Variants in JMJD1C observed in about 807,000 individuals in gnomAD.
The protein encoded by JMJD1C is jumonji domain containing 1C.
JMJD1C carries 31 observed loss-of-function variants against 245.3 expected under a neutral mutation model. That is an observed-to-expected ratio of 0.13 (90% CI 0.09 to 0.17). The LOEUF (loss-of-function observed/expected upper bound fraction) is 0.17. JMJD1C is among the 10% of genes least tolerant of loss of function. JMJD1C has a pLI of 1.00. For missense variants in JMJD1C, 2,691 were observed against 3,000.2 expected (o/e 0.90, Z 2.41); for synonymous variants, 1,057 against 1,017.4 (o/e 1.04, Z -0.74).
At chr10:63,321,011 T>A (rs998962453) in intron 2 of JMJD1C, among the ~76,000 whole-genome samples, 1 of 152,202 alleles carries the variant, frequency 6.6e-6, no homozygotes, top group Non-Finnish European at 1.5e-5. Context: ...ATGATGCCTA[T>A]GTAATGAAGT....
chr10:63,483,613 C>T (rs1261563888), intron 1 of JMJD1C, among the ~76,000 whole-genome samples: 1 of 152,174 alleles, frequency 6.6e-6, no homozygotes, highest in Non-Finnish European at 1.5e-5. Context: ...CCAACTTTCT[C>T]CCATCCCTCC....
intron 1 of JMJD1C, among the ~76,000 whole-genome samples, chr10:63,432,273 T>C (rs755352341): frequency 2.4e-4 from 36 of 152,214 alleles, no homozygotes; most frequent in Non-Finnish European, 4.4e-4. Context: ...TCTAATACAA[T>C]GACTCAGCTA....
intron 21 of JMJD1C, among the ~76,000 whole-genome samples, chr10:63,184,057 G>A (rs1356001259): frequency 8.2e-5 from 12 of 147,172 alleles, no homozygotes; most frequent in Non-Finnish European, 1.7e-4. Flanking sequence ...CCTCCTGATA[G>A]CTGGGACTAC....
At chr10:63,407,777 A>T (rs1159860270) in intron 1 of JMJD1C, among the ~76,000 whole-genome samples, 2 of 151,852 alleles carry the variant, frequency 1.3e-5, no homozygotes, top group Admixed American at 1.3e-4. Context: ...CATAATCAAA[A>T]GCAAAAGGAT....
intron 24 of JMJD1C, among the ~76,000 whole-genome samples, chr10:63,172,627 C>A (rs896747676): frequency 7.9e-5 from 12 of 151,214 alleles, no homozygotes; most frequent in South Asian, 2.1e-4. Context: ...TTTAAGGTGA[C>A]AACTGAAATG....
intron 24 of JMJD1C, among the ~76,000 whole-genome samples, chr10:63,171,264 T>C (rs1360834175): frequency 1.6e-5 from 2 of 125,376 alleles, no homozygotes; most frequent in African/African-American, 2.6e-5. Flanking sequence ...ATCCTGGAGG[T>C]CAGGGTCATT....
chr10:63,174,750 C>T (rs1193554609), intron 24 of JMJD1C, among the ~76,000 whole-genome samples: 1 of 152,032 alleles, frequency 6.6e-6, no homozygotes, highest in African/African-American at 2.4e-5. Context: ...AGGAGAATCG[C>T]TTGAACCCGG....
chr10:63,422,367 C>G (rs1392953014), intron 1 of JMJD1C, among the ~76,000 whole-genome samples: 1 of 152,054 alleles, frequency 6.6e-6, no homozygotes, highest in Non-Finnish European at 1.5e-5. Flanking sequence ...GCCAACTGCA[C>G]TCCAGCCTGG....
At chr10:63,441,295 AAGTGGACTCTGG>A (rs1951370078) in intron 1 of JMJD1C, among the ~76,000 whole-genome samples, 2 of 152,318 alleles carry the variant, frequency 1.3e-5, no homozygotes, top group South Asian at 4.1e-4. Flanking sequence ...ACACAAAAGA[AAGTGGACTCTGG>A]AGTCATAGGA....
At chr10:63,179,138 G>A (rs1182591870) in intron 22 of JMJD1C, among the ~76,000 whole-genome samples, 4 of 152,088 alleles carry the variant, frequency 2.6e-5, no homozygotes, top group African/African-American at 4.8e-5. Flanking sequence ...GTGGCCGGGC[G>A]TGGGATTACA....
At chr10:63,389,493 A>C (rs1947887020) in intron 1 of JMJD1C, among the ~76,000 whole-genome samples, 1 of 149,448 alleles carries the variant, frequency 6.7e-6, no homozygotes, top group African/African-American at 2.5e-5. Flanking sequence ...GCATGCTAAC[A>C]GACAGAAAAT....
chr10:63,271,009 G>A (rs1015193020), intron 2 of JMJD1C, among the ~76,000 whole-genome samples: 7 of 152,030 alleles, frequency 4.6e-5, no homozygotes, highest in Admixed American at 1.3e-4. Flanking sequence ...AGTCAACCAC[G>A]CTTCTGTATT....
At chr10:63,189,552 A>C (rs1178698169) in intron 17 of JMJD1C, 106 bp from the exon 18 acceptor site, 1 of 865,290 alleles carries the variant, frequency 1.2e-6, no homozygotes, top group Non-Finnish European at 1.7e-6. Flanking sequence ...TACACTCCAC[A>C]ATATGCACTT....
chr10:63,481,430 AT>A (rs936701042), intron 1 of JMJD1C, among the ~76,000 whole-genome samples: 238 of 147,972 alleles, frequency 1.6e-3, no homozygotes, highest in African/African-American at 3.6e-3. Flanking sequence ...TGAAAAACTG[AT>A]TTTTTTTTTT....
chr10:63,453,968 T>C (rs1309084265), intron 1 of JMJD1C, among the ~76,000 whole-genome samples: 4 of 152,084 alleles, frequency 2.6e-5, no homozygotes, highest in African/African-American at 9.7e-5. Context: ...GGTGATCCGC[T>C]CGCCTCAGCC....
Position 63,219,931 on chromosome 10 carries a change from T to A in JMJD1C, c.500A>T (p.Glu167Val). The change falls in exon 4 of 26, where the codon GAG becomes GTG. Residue 167 changes from glutamate (E) to valine (V), a missense_variant. Physicochemically the swap from Glu to Val is moderately radical, Grantham distance 121. This residue lies in a region of JMJD1C where 172 missense variants were observed against 240.8 expected (regional missense o/e 0.71). Coordinates refer to ENST00000399262, the MANE Select transcript of JMJD1C (RefSeq NM_032776.3). ...TTCCTTTACCCAGACTTTCACTTCCTCATGAAGCTGCGGGTTGTCCCTGAG... is the reference window on the plus strand; with the variant it reads ...TTCCTTTACCCAGACTTTCACTTCCACATGAAGCTGCGGGTTGTCCCTGAG... Reference protein sequence around the residue: ...PVLRDNPQLHEEVKVWVKEQK... With the variant: ...PVLRDNPQLHVEVKVWVKEQK... 6.2e-7 allele frequency: 1 copy of A among 1,613,940 alleles called. No individual in the cohort carries two copies. The highest frequency in any genetic ancestry group is 1.7e-4 in the Middle Eastern group (1 of 6,056).
At position 63,407,868 on chromosome 10, in the gene JMJD1C, A is replaced by T. The variant is rs1589689734; in HGVS notation, c.169-27386T>A. Among the ~76,000 whole-genome samples, 4 of 152,144 alleles carry T rather than the reference A, an allele frequency of 2.6e-5. No homozygotes were observed. In the South Asian group the frequency reaches 8.3e-4, roughly 32 times the overall value. On this transcript the variant is annotated intron_variant, in intron 1 of 25. Coordinates refer to ENST00000399262, the MANE Select transcript of JMJD1C (RefSeq NM_032776.3). ...CTTTAGCAAATTAAATTATGATAGCAGAAATAAAAAATACAATAGGTTTAG... is the reference window on the plus strand; with the variant it reads ...CTTTAGCAAATTAAATTATGATAGCTGAAATAAAAAATACAATAGGTTTAG...
At chr10:63,520,688 A>C (rs899210869) in intron 1 of JMJD1C, among the ~76,000 whole-genome samples, 1 of 152,202 alleles carries the variant, frequency 6.6e-6, no homozygotes, top group Non-Finnish European at 1.5e-5. Flanking sequence ...AACATCTGGC[A>C]GGCCTCAGGG....
At position 63,197,490 on chromosome 10, in the gene JMJD1C, G is replaced by A; in HGVS notation, c.5565C>T (p.Asn1855=). ...CACATTTTTGGCAGACCCAGTGAAT[G>A]TTAAACAATGTTGCTTCACATGCAT... ...MCDACEATLF[N]IHWVCQKCGF... is the part of the protein sequence containing the mutation. Residue 1855 remains asparagine (N), a synonymous_variant, in exon 13 of 26, where the codon AAC becomes AAT. Transcript: ENST00000399262. 1 of 1,611,014 alleles carries A rather than the reference G, an allele frequency of 6.2e-7. No homozygotes were observed. The highest frequency in any genetic ancestry group is 1.7e-5 in the Admixed American group (1 of 59,312).
Sources: allele counts gnomAD v4.1 joint callset (sites outside exome capture counted in the v4.1 genomes callset), GRCh38; gene constraint gnomAD v4.1.1; regional missense constraint gnomAD v4.1.1; transcripts MANE v1.5; gene names NCBI Gene and HGNC (gene_info 2026-07-23, HGNC 2026-07-21).